Variants in OPCML observed in about 807,000 individuals in gnomAD.
OPCML encodes the protein opioid-binding protein/cell adhesion molecule.
A neutral mutation model predicts 37.8 loss-of-function variants in OPCML; 13 were observed. The ratio of observed to expected loss-of-function variants is 0.34; its 90% CI spans 0.22 to 0.55. OPCML has a LOEUF of 0.55. Among genes scored for constraint, OPCML ranks in the 20% least tolerant of loss-of-function variants. OPCML has a pLI of 0.91. For synonymous variants in OPCML, 176 were observed against 168.8 expected (o/e 1.04, Z -0.33); for missense variants, 341 against 435.6 (o/e 0.78, Z 1.93).
intron 3 of OPCML, among the ~76,000 whole-genome samples, chr11:132,609,705 T>C (rs56953672): frequency 0.22 from 33,216 of 152,132 alleles, 5,141 homozygotes; most frequent in African/African-American, 0.43. Flanking sequence ...TTGTTCCTTC[T>C]TTTGTGTTAC....
intron 2 of OPCML, among the ~76,000 whole-genome samples, chr11:132,911,788 G>T (rs759419706): frequency 9.9e-5 from 15 of 152,270 alleles, no homozygotes; most frequent in Non-Finnish European, 2.2e-4. Flanking sequence ...AAAGTTTGTA[G>T]TTACAGCTCT....
intron 1 of OPCML, among the ~76,000 whole-genome samples, chr11:133,165,004 G>A (rs924572951): frequency 6.6e-6 from 1 of 152,188 alleles, no homozygotes; most frequent in African/African-American, 2.4e-5. Context: ...AATGATTTAA[G>A]GGTAAATGAA....
At chr11:132,549,303 C>T (rs1009799583) in intron 3 of OPCML, among the ~76,000 whole-genome samples, 1 of 152,122 alleles carries the variant, frequency 6.6e-6, no homozygotes. Flanking sequence ...AGGAAGTTAC[C>T]CTATGTGGTC....
chr11:133,528,526 A>G (rs1431098880), intron 1 of OPCML, among the ~76,000 whole-genome samples: 1 of 152,220 alleles, frequency 6.6e-6, no homozygotes, highest in Non-Finnish European at 1.5e-5. Context: ...GGAATTCATC[A>G]AAACTTGGCT....
rs1950308689 is a variant in OPCML, at chr11:133,173,009, G to C, written c.62-229999C>G. Among the ~76,000 whole-genome samples the C allele has an allele frequency of 6.6e-6, 1 of 152,154 alleles. No individual in the cohort carries two copies. Among genetic ancestry groups the C allele is most frequent in the African/African-American group, 2.4e-5 (1 of 41,426 alleles). On this transcript the variant is annotated intron_variant, in intron 1 of 7. Transcript: ENST00000524381. This position sits in a 1 kb window ranked among gnomAD's most constrained non-coding sequence, Gnocchi z 7.8. ...ATAACACTTAAAGTTGAATTTTTAT[G>C]AAAAGTTACATGGCTTAATAATCAA...
intron 2 of OPCML, among the ~76,000 whole-genome samples, chr11:132,743,086 G>A (rs1028396139): frequency 3.9e-5 from 6 of 152,146 alleles, no homozygotes; most frequent in African/African-American, 1.4e-4. Context: ...ATAGGGCCAT[G>A]TTCCTAACAG....
chr11:133,377,714 G>T (rs1006975218), intron 1 of OPCML, among the ~76,000 whole-genome samples: 1 of 151,592 alleles, frequency 6.6e-6, no homozygotes, highest in Admixed American at 6.6e-5. Context: ...CTCCATGAAC[G>T]GTGGCTACTC....
intron 2 of OPCML, among the ~76,000 whole-genome samples, chr11:132,879,307 G>A (rs1943138747): frequency 6.6e-6 from 1 of 152,128 alleles, no homozygotes; most frequent in Non-Finnish European, 1.5e-5. Context: ...CCCTGGGTGA[G>A]CTGAAAGACA....
In OPCML at chr11:133,305,200, C is replaced by T. The variant is rs190931056; in HGVS notation, c.61+227064G>A. ...TGAGTATTACATAAGATAGCAGACA[C>T]GAAGCAGGCACAGTGACTGTCTTAG... On this transcript the variant is annotated intron_variant, in intron 1 of 7. Coordinates refer to ENST00000524381, the MANE Select transcript of OPCML (RefSeq NM_001012393.5). Among the ~76,000 whole-genome samples the T allele has an allele frequency of 9.2e-5, 14 of 152,250 alleles. No homozygotes were observed. The South Asian group carries it at 1.7e-3, about 18-fold the overall frequency.
At chr11:133,259,320 C>T (rs77356050) in intron 1 of OPCML, among the ~76,000 whole-genome samples, 3 of 152,294 alleles carry the variant, frequency 2.0e-5, no homozygotes, top group African/African-American at 7.2e-5. Context: ...TTAACCTCAT[C>T]ATTCACCTTC....
rs34411187 is a variant in OPCML at position 133,174,639 on chromosome 11, G to GA, written c.62-231630dup. Among the ~76,000 whole-genome samples the GA allele has an allele frequency of 0.013, 1,479 of 116,750 alleles. 18 individuals are homozygous for GA. Among genetic ancestry groups the GA allele is most frequent in the African/African-American group, 0.029 (990 of 34,600 alleles). The allele number at this position is 116,750 out of a possible 152,430, so 76.6% of individuals were successfully genotyped here. ...AAATGCTCATGGAATGCTGTTTAGT[G>GA]AAAAAAAAAAAAAAAAAAAGCAGGG... On this transcript the variant is annotated intron_variant, in intron 1 of 7. Transcript: ENST00000524381. The surrounding 1 kb of genome is among the most constrained non-coding windows in gnomAD (Gnocchi z 4.6).
At chr11:133,100,430 T>C (rs137927961) in intron 1 of OPCML, among the ~76,000 whole-genome samples, 67 of 152,316 alleles carry the variant, frequency 4.4e-4, no homozygotes, top group African/African-American at 1.6e-3. Flanking sequence ...CAGCAAGTTA[T>C]TTTGCAAAGT....
chr11:132,748,884 C>T lies in OPCML; in HGVS notation c.147-91565G>A, dbSNP rs141312316. On this transcript the variant is annotated intron_variant, in intron 2 of 7. Coordinates refer to ENST00000524381, the MANE Select transcript of OPCML (RefSeq NM_001012393.5). ...ACAGGGCGGCTGAGGTGAAGGAGCT[C>T]CATGTGCAGATTCTGGATATATTTT... Among the ~76,000 whole-genome samples, 542 of 152,182 alleles carry T rather than the reference C, an allele frequency of 3.6e-3. 5 individuals carry two copies. The highest frequency in any genetic ancestry group is 0.012 in the African/African-American group (517 of 41,518).
intron 1 of OPCML, among the ~76,000 whole-genome samples, chr11:133,271,920 A>C (rs1298470130): frequency 6.6e-6 from 1 of 152,238 alleles, no homozygotes; most frequent in African/African-American, 2.4e-5. Context: ...TAGTCCCTGC[A>C]TCTGTGATGC....
chr11:132,600,419 C>T (rs1055190152), intron 3 of OPCML, among the ~76,000 whole-genome samples: 10 of 152,210 alleles, frequency 6.6e-5, no homozygotes, highest in Non-Finnish European at 1.5e-4. Flanking sequence ...TCTTCCCAGC[C>T]TCTCCATGTG....
At chr11:133,020,274 C>G (rs1170290840) in intron 1 of OPCML, among the ~76,000 whole-genome samples, 1 of 152,188 alleles carries the variant, frequency 6.6e-6, no homozygotes, top group East Asian at 1.9e-4. Flanking sequence ...GGTGTGGCCT[C>G]CCTGGATTGC....
intron 2 of OPCML, among the ~76,000 whole-genome samples, chr11:132,926,333 G>C (rs978296188): frequency 6.6e-6 from 1 of 152,136 alleles, no homozygotes; most frequent in Non-Finnish European, 1.5e-5. Flanking sequence ...TGGATCTCAG[G>C]CAAGGGGAGG....
At chr11:132,695,420 T>A (rs918053179) in intron 2 of OPCML, among the ~76,000 whole-genome samples, 2 of 152,136 alleles carry the variant, frequency 1.3e-5, no homozygotes, top group Non-Finnish European at 2.9e-5. Flanking sequence ...TATGGCAATG[T>A]GCAATTCAAA....
chr11:132,810,124 G>C (rs886373288), intron 2 of OPCML, among the ~76,000 whole-genome samples: 15 of 151,988 alleles, frequency 9.9e-5, no homozygotes, highest in African/African-American at 2.4e-4. Context: ...GCTGGGATTA[G>C]AGGCGTGAGC....
Sources: allele counts gnomAD v4.1 joint callset (sites outside exome capture counted in the v4.1 genomes callset), GRCh38; gene constraint gnomAD v4.1.1; non-coding constraint Gnocchi (gnomAD v3.1); transcripts MANE v1.5; gene names NCBI Gene and HGNC (gene_info 2026-07-23, HGNC 2026-07-21).